MYT1L: variants seen among roughly 807,000 people sequenced by gnomAD.
MYT1L encodes the protein myelin transcription factor 1-like protein.
MYT1L carries 12 observed loss-of-function variants against 126.7 expected under a neutral mutation model. That is an observed-to-expected ratio of 0.09 (90% CI 0.06 to 0.15). MYT1L has a LOEUF of 0.15. Ranked by LOEUF, MYT1L falls within the 10% of genes least tolerant of loss-of-function variation. MYT1L has a pLI of 1.00. For synonymous variants in MYT1L, 541 were observed against 604.2 expected, an observed-to-expected ratio of 0.90 and a Z score of 1.53; for missense variants, 979 against 1,585.2, an observed-to-expected ratio of 0.62 and a Z score of 6.49.
intron 4 of MYT1L, among the ~76,000 whole-genome samples, chr2:2,009,471 G>A (rs1200745982): frequency 1.3e-5 from 2 of 151,712 alleles, no homozygotes; most frequent in African/African-American, 4.9e-5. Flanking sequence ...ATCATAAATG[G>A]GATTGTTTTA....
In MYT1L at chr2:1,887,499, C is replaced by T; in HGVS notation, c.2631G>A (p.Lys877=). 6.2e-7 allele frequency: 1 copy of T among 1,614,010 alleles called. No homozygotes were observed. The highest frequency in any genetic ancestry group is 8.5e-7 in the Non-Finnish European group (1 of 1,179,892). ...PKYPQCKESK[K]DLITLSGCPL... is the part of the protein sequence containing the mutation. Reference sequence around the variant, plus strand: ...CACAGCATGCTTACGTTATTAAGTCCTTTTTGCTCTCCTTGCACTGAGGGT... The same window carrying T: ...CACAGCATGCTTACGTTATTAAGTCTTTTTTGCTCTCCTTGCACTGAGGGT... The change falls in exon 17 of 25, where the codon AAG becomes AAA. Residue 877 remains lysine (K), a synonymous_variant. Coordinates refer to ENST00000647738, the MANE Select transcript of MYT1L (RefSeq NM_001303052.2). This position sits in a 1 kb window ranked among gnomAD's most constrained non-coding sequence, Gnocchi z 4.8.
chr2:1,956,635 TCTAG>T (rs1303515570), intron 8 of MYT1L, among the ~76,000 whole-genome samples: 12 of 142,918 alleles, frequency 8.4e-5, no homozygotes, highest in Non-Finnish European at 1.7e-4. Context: ...TACCTACCTA[TCTAG>T]CTATCTATTT....
intron 1 of MYT1L, among the ~76,000 whole-genome samples, chr2:2,291,434 A>G (rs2095598126): frequency 6.6e-6 from 1 of 152,200 alleles, no homozygotes; most frequent in African/African-American, 2.4e-5. Flanking sequence ...ATCTACAGGC[A>G]TTTACTCCTC....
At chr2:1,881,570 T>G (rs1230669319) in intron 18 of MYT1L, among the ~76,000 whole-genome samples, 1 of 152,166 alleles carries the variant, frequency 6.6e-6, no homozygotes, top group South Asian at 2.1e-4. Context: ...TATAAACCAT[T>G]TGCAGATGTG....
At chr2:2,308,093 T>C (rs916989433) in intron 1 of MYT1L, among the ~76,000 whole-genome samples, 6 of 152,050 alleles carry the variant, frequency 3.9e-5, no homozygotes, top group East Asian at 1.9e-4. Context: ...ACTCTACCTA[T>C]ACTCCACCTA....
At chr2:2,277,722 C>T (rs1326488190) in intron 2 of MYT1L, among the ~76,000 whole-genome samples, 1 of 152,050 alleles carries the variant, frequency 6.6e-6, no homozygotes, top group Admixed American at 6.6e-5. Flanking sequence ...TAAAGGTAAA[C>T]TACAAATGGT....
chr2:2,109,263 G>A (rs536961707), intron 3 of MYT1L, among the ~76,000 whole-genome samples: 127 of 152,302 alleles, frequency 8.3e-4, no homozygotes, highest in Middle Eastern at 3.4e-3. Context: ...AGAAAAACAC[G>A]GCAGTGTGTC....
rs201258966 is a variant in MYT1L, at chr2:1,922,618, C to T, written c.1151G>A (p.Arg384Gln). 1.2e-4 allele frequency: 195 copies of T among 1,613,836 alleles called. No homozygotes were observed. Among genetic ancestry groups the T allele is most frequent in the Non-Finnish European group, 1.6e-4 (191 of 1,179,886 alleles). Residue 384 changes from arginine to glutamine, a missense_variant, in exon 10 of 25, where the codon CGG becomes CAG. Physicochemically the swap from Arg to Gln is conservative, Grantham distance 43. Coordinates refer to ENST00000647738, the MANE Select transcript of MYT1L (RefSeq NM_001303052.2). The surrounding 1 kb of genome is among the most constrained non-coding windows in gnomAD (Gnocchi z 7.4). The stretch of plus-strand genomic sequence containing the variant: ...CCGGGGGCTCAACTGCTCCTCCAGC[C>T]GCATGAGGTTCAGCATGTCCGAGTA... The part of the protein sequence containing the change: ...RNYSDMLNLM[R>Q]LEEQLSPRSR...
intron 21 of MYT1L, chr2:1,816,082 C>T (rs1389171570): frequency 6.6e-6 from 1 of 152,308 alleles, no homozygotes; most frequent in Non-Finnish European, 1.5e-5. Flanking sequence ...CCTCCTGCCT[C>T]AGCCTCCCAA....
intron 2 of MYT1L, among the ~76,000 whole-genome samples, chr2:2,277,148 A>T (rs1180395122): frequency 6.6e-6 from 1 of 151,500 alleles, no homozygotes; most frequent in East Asian, 1.9e-4. Context: ...CCCCCGGCTA[A>T]TTTTTTTTGT....
intron 4 of MYT1L, among the ~76,000 whole-genome samples, chr2:2,003,023 C>G (rs1301183603): frequency 6.6e-6 from 1 of 152,108 alleles, no homozygotes; most frequent in Admixed American, 6.5e-5. Context: ...CCAGTGTGTC[C>G]TTGTAGCAGC....
intron 8 of MYT1L, among the ~76,000 whole-genome samples, chr2:1,944,515 G>C (rs1320883508): frequency 6.6e-6 from 1 of 151,798 alleles, no homozygotes; most frequent in African/African-American, 2.4e-5. Flanking sequence ...TATTCTGCAG[G>C]GTGAGAGGTG....
intron 3 of MYT1L, among the ~76,000 whole-genome samples, chr2:2,094,201 A>T (rs575613737): frequency 6.6e-6 from 1 of 152,322 alleles, no homozygotes; most frequent in South Asian, 2.1e-4. Context: ...GAGAAATGCA[A>T]ATCAAAACCA....
At chr2:2,188,651 C>T (rs1348397459) in intron 2 of MYT1L, among the ~76,000 whole-genome samples, 1 of 152,044 alleles carries the variant, frequency 6.6e-6, no homozygotes, top group East Asian at 1.9e-4. Flanking sequence ...CTGTGTATTC[C>T]CTTCCTCTCC....
At chr2:2,064,805 A>G (rs2150178777) in intron 3 of MYT1L, among the ~76,000 whole-genome samples, 1 of 152,374 alleles carries the variant, frequency 6.6e-6, no homozygotes, top group East Asian at 1.9e-4. Flanking sequence ...ATTTTCAATG[A>G]AATAACTTTT....
intron 5 of MYT1L, among the ~76,000 whole-genome samples, chr2:1,995,349 T>G (rs2061747626): frequency 6.6e-6 from 1 of 152,190 alleles, no homozygotes; most frequent in South Asian, 2.1e-4. Context: ...ACTGTCGTCC[T>G]CACTGCGCTC....
At chr2:2,154,019 C>T (rs1161338229) in intron 3 of MYT1L, among the ~76,000 whole-genome samples, 3 of 152,164 alleles carry the variant, frequency 2.0e-5, no homozygotes, top group Non-Finnish European at 4.4e-5. Context: ...GACCGGATGG[C>T]AGGAGGTGCT....
At chr2:1,918,669 C>G (rs1041885251) in intron 10 of MYT1L, among the ~76,000 whole-genome samples, 4 of 152,184 alleles carry the variant, frequency 2.6e-5, no homozygotes, top group Admixed American at 6.5e-5. Context: ...TAGCTAGCAT[C>G]TTATTCTGCA....
chr2:1,886,667 A>C (rs2048215376), intron 17 of MYT1L, 60 bp from the exon 18 acceptor site: 2 of 1,200,036 alleles, frequency 1.7e-6, no homozygotes, highest in Non-Finnish European at 2.3e-6. Context: ...CTCCCAAACA[A>C]ACACAACATA....
Sources: allele counts gnomAD v4.1 joint callset (sites outside exome capture counted in the v4.1 genomes callset), GRCh38; gene constraint gnomAD v4.1.1; non-coding constraint Gnocchi (gnomAD v3.1); transcripts MANE v1.5; gene names NCBI Gene and HGNC (gene_info 2026-07-23, HGNC 2026-07-21).